Variants in DHRS4 observed in about 807,000 individuals in gnomAD.
DHRS4 encodes dehydrogenase/reductase SDR family member 4.
In DHRS4, 20 loss-of-function variants were observed where a neutral mutation model predicts 28.4. The ratio of observed to expected loss-of-function variants is 0.71; its 90% CI spans 0.50 to 1.02. DHRS4 has a LOEUF of 1.02. DHRS4 is among the 50% of genes least tolerant of loss of function. The pLI is 0.00. For missense variants in DHRS4, 378 were observed against 367.2 expected (o/e 1.03, Z -0.24); for synonymous variants, 144 against 146.4 (o/e 0.98, Z 0.12).
At chr14:23,967,436 G>A (rs1247153598) in intron 7 of DHRS4, 170 bp downstream of exon 7, 13 of 1,166,086 alleles carry the variant, frequency 1.1e-5, no homozygotes, top group Non-Finnish European at 1.5e-5. Context: ...TGAGCAAGAA[G>A]TCAGCTTCCC....
At position 23,958,030 on chromosome 14, in the gene DHRS4, C is replaced by G. The variant is rs146135298; in HGVS notation, c.307-1872C>G. 3.3e-5 allele frequency among the ~76,000 whole-genome samples: 5 copies of G among 152,062 alleles called. No individual in the cohort carries two copies. In the South Asian group the frequency reaches 1.0e-3, roughly 32 times the overall value. ...AGCCCAAACACATGTGTACTGAGCA[C>G]GGCGCACATCACTTATTAACTTACT... On this transcript the variant is annotated intron_variant, in intron 2 of 7. Coordinates refer to ENST00000313250, the MANE Select transcript of DHRS4 (RefSeq NM_021004.4).
At chr14:23,954,238 A>T (rs1207956761) in intron 1 of DHRS4, 1 of 258,780 alleles carries the variant, frequency 3.9e-6, no homozygotes, top group African/African-American at 2.2e-5. Context: ...AGAAACTGGA[A>T]ATCCAAGGAA....
chr14:23,966,530 C>T (rs2033627494), intron 6 of DHRS4, 113 bp downstream of exon 6: 3 of 1,525,840 alleles, frequency 2.0e-6, no homozygotes, highest in South Asian at 2.5e-5. Context: ...ATTCTCCTTC[C>T]CTGGACTTTC....
intron 3 of DHRS4, among the ~76,000 whole-genome samples, chr14:23,963,670 A>G (rs1337054313): frequency 6.8e-6 from 1 of 147,198 alleles, no homozygotes; most frequent in Non-Finnish European, 1.5e-5. Context: ...CTTTCTTATC[A>G]TTTATATGTT....
intron 6 of DHRS4, 132 bp from the exon 7 acceptor site, chr14:23,967,079 G>A (rs536807628): frequency 1.6e-5 from 14 of 891,870 alleles, no homozygotes; most frequent in South Asian, 7.4e-5. Context: ...GGCATAACCC[G>A]GGAGGCGGAG....
rs1174443716 is a variant in DHRS4 at position 23,967,251 on chromosome 14, C to A, written c.707C>A (p.Thr236Asn). The change falls in exon 7 of 8, where the codon ACC becomes AAC. Residue 236 changes from threonine (T) to asparagine (N), a missense_variant. Thr to Asn is a moderately conservative substitution (Grantham distance 65). Transcript: ENST00000313250. ...GAAAAAGAGGAAAGCATGAAAGAAA[C>A]CCTGCGGATAAGAAGGTAAACTGTC... ...DKEKEESMKE[T>N]LRIRRLGEPE... is the part of the protein sequence containing the mutation. The A allele has an allele frequency of 6.2e-7, 1 of 1,612,728 alleles. No individual in the cohort carries two copies. Among genetic ancestry groups the A allele is most frequent in the East Asian group, 2.2e-5 (1 of 44,858 alleles).
At chr14:23,958,119 C>A (rs1189427109) in intron 2 of DHRS4, among the ~76,000 whole-genome samples, 1 of 151,978 alleles carries the variant, frequency 6.6e-6, no homozygotes, top group Non-Finnish European at 1.5e-5. Flanking sequence ...GGTGACTTGG[C>A]TTTGTGCCAG....
intron 1 of DHRS4, among the ~76,000 whole-genome samples, 169 bp from the exon 2 acceptor site, chr14:23,954,866 C>A (rs1326501103): frequency 2.0e-5 from 3 of 152,172 alleles, no homozygotes; most frequent in African/African-American, 4.8e-5. Context: ...TAAAGGAATG[C>A]CAAAAATGGC....
At position 23,961,055 on chromosome 14, in the gene DHRS4, T is replaced by C. The variant is rs539921683; in HGVS notation, c.408+1052T>C. On this transcript the variant is annotated intron_variant, in intron 3 of 7. Coordinates refer to ENST00000313250, the MANE Select transcript of DHRS4 (RefSeq NM_021004.4). ...CTGCCACAGGGAGGGCACCAAGCCA[T>C]TCATAAGGGATCCACCCTCATGACC... is the stretch of plus-strand genomic sequence containing the variant. Among the ~76,000 whole-genome samples the C allele has an allele frequency of 2.9e-3, 446 of 151,956 alleles. 7 individuals are homozygous for C. The highest frequency in any genetic ancestry group is 0.01 in the African/African-American group (425 of 41,256).
intron 2 of DHRS4, among the ~76,000 whole-genome samples, chr14:23,957,568 T>C (rs1462910097): frequency 1.3e-5 from 2 of 151,894 alleles, no homozygotes; most frequent in East Asian, 4.0e-4. Context: ...TTTTTTTTTT[T>C]TTTCCAGAGA....
chr14:23,956,776 G>T (rs192213511), intron 2 of DHRS4, among the ~76,000 whole-genome samples: 101 of 152,052 alleles, frequency 6.6e-4, no homozygotes, highest in African/African-American at 2.3e-3. Context: ...GCTAATTTTT[G>T]TATTTTTGGT....
At position 23,968,749 on chromosome 14, in the gene DHRS4, T is replaced by C. The variant is rs774569206; in HGVS notation, c.723-8T>C. On this transcript the variant is annotated splice_polypyrimidine_tract_variant and splice_region_variant and intron_variant, in intron 7 of 7. Transcript: ENST00000313250. ...TTTACCTCCTTCCTTGCTTCCCTTATTCCCCAGGTTAGGCGAGCCAGAGGA... is the reference window on the plus strand; with the variant it reads ...TTTACCTCCTTCCTTGCTTCCCTTACTCCCCAGGTTAGGCGAGCCAGAGGA... 2 of 1,605,276 alleles carry C rather than the reference T, an allele frequency of 1.2e-6. No individual in the cohort carries two copies. The highest frequency in any genetic ancestry group is 1.7e-5 in the Admixed American group (1 of 59,098).
intron 1 of DHRS4, chr14:23,954,182 C>A (rs923071763): frequency 1.7e-5 from 7 of 403,778 alleles, no homozygotes; most frequent in African/African-American, 8.2e-5. Context: ...CCCCAGTGTT[C>A]TGGGCTGCCC....
chr14:23,966,347 A>G lies in DHRS4; in HGVS notation c.596A>G (p.Glu199Gly), dbSNP rs1171824940. Residue 199 changes from glutamate to glycine, a missense_variant, in exon 6 of 8, where the codon GAG becomes GGG. Physicochemically the swap from Glu to Gly is moderately conservative, Grantham distance 98 (BLOSUM62 -2). Transcript: ENST00000313250. ...GGCCTGACCAAGACCCTGGCCATAG[A>G]GCTGGCCCCAAGGAACATTAGGGTG... ...LLGLTKTLAI[E>G]LAPRNIRVNC... is the part of the protein sequence containing the mutation. The G allele has an allele frequency of 4.3e-6, 7 of 1,614,076 alleles. No individual in the cohort carries two copies. The South Asian group carries it at 7.7e-5, about 18-fold the overall frequency.
chr14:23,954,176 A>C, intron 1 of DHRS4: 2 of 493,440 alleles, frequency 4.1e-6, no homozygotes, highest in Non-Finnish European at 7.1e-6. Flanking sequence ...TAGTCTCCCC[A>C]GTGTTCTGGG....
chr14:23,967,869 T>C, intron 7 of DHRS4: 1 of 81,622 alleles, frequency 1.2e-5, no homozygotes, highest in Non-Finnish European at 2.4e-5. Context: ...GCCATTCTGA[T>C]GTGAGACATG....
At chr14:23,965,663 C>G (rs2033586473) in intron 3 of DHRS4, 99 bp from the exon 4 acceptor site, 3 of 977,398 alleles carry the variant, frequency 3.1e-6, no homozygotes, top group Non-Finnish European at 4.6e-6. Flanking sequence ...TTCGTCAGCT[C>G]TGACAAACAT....
rs376455651 is a variant in DHRS4 at position 23,953,928 on chromosome 14, G to A, written c.128+12G>A. 1.2e-4 allele frequency: 192 copies of A among 1,572,162 alleles called. No individual in the cohort carries two copies. Among genetic ancestry groups the A allele is most frequent in the Non-Finnish European group, 1.5e-4 (179 of 1,159,600 alleles). ...GCCTCCACCGACGGGTGAGTGCTCC[G>A]GCCGGAGTTTCTGAGGCCCTGGCTG... On this transcript the variant is annotated intron_variant, in intron 1 of 7. Coordinates refer to ENST00000313250, the MANE Select transcript of DHRS4 (RefSeq NM_021004.4).
intron 3 of DHRS4, among the ~76,000 whole-genome samples, chr14:23,962,796 C>T (rs143291375): frequency 4.0e-5 from 6 of 150,478 alleles, no homozygotes; most frequent in East Asian, 1.9e-4. Flanking sequence ...TTAACTTTGC[C>T]GAGATCCATC....
Sources: gnomAD v4.1 joint callset for allele counts (sites outside exome capture counted in the v4.1 genomes callset) on GRCh38, gnomAD v4.1.1 for gene constraint, MANE v1.5 for transcripts, NCBI Gene and HGNC (gene_info 2026-07-23, HGNC 2026-07-21) for gene names.